PCGF5: variants seen among roughly 807,000 people sequenced by gnomAD.
PCGF5 encodes polycomb group RING finger protein 5.
PCGF5 carries 9 observed loss-of-function variants against 44.3 expected under a neutral mutation model. The observed-to-expected ratio is 0.20, with a 90% confidence interval of 0.12 to 0.35. The LOEUF is 0.35. Among genes scored for constraint, PCGF5 ranks in the 10% least tolerant of loss-of-function variants. PCGF5 has a pLI of 1.00. For synonymous variants in PCGF5, 95 were observed against 102.5 expected, an observed-to-expected ratio of 0.93 and a Z score of 0.44; for missense variants, 146 against 305.3, an observed-to-expected ratio of 0.48 and a Z score of 3.89.
chr10:91,196,229 A>C (rs571968524), intron 1 of PCGF5, among the ~76,000 whole-genome samples: 1 of 152,228 alleles, frequency 6.6e-6, no homozygotes, highest in East Asian at 1.9e-4. Flanking sequence ...TGTCAGTGCC[A>C]AGAGAAGTGA....
At chr10:91,233,561 A>G (rs1242298315) in intron 2 of PCGF5, among the ~76,000 whole-genome samples, 3 of 152,218 alleles carry the variant, frequency 2.0e-5, no homozygotes, top group Non-Finnish European at 2.9e-5. Flanking sequence ...ACACATATAC[A>G]TACATAAGAG....
chr10:91,258,243 T>C (rs767220939), intron 6 of PCGF5, among the ~76,000 whole-genome samples: 2 of 152,076 alleles, frequency 1.3e-5, no homozygotes, highest in Non-Finnish European at 2.9e-5. Flanking sequence ...TTGCGAATAG[T>C]ATAAAAACTA....
At position 91,213,714 on chromosome 10, in the gene PCGF5, G is replaced by T. The variant is rs59899683; in HGVS notation, c.-183-8975G>T. ...TTGGTCAGGCTGGTCTCAAACTCCC[G>T]ACCTCAGAGAGGTCCCCACCTCGGC... is the stretch of plus-strand genomic sequence containing the variant. On this transcript the variant is annotated intron_variant, in intron 1 of 9. Transcript: ENST00000614189. Among the ~76,000 whole-genome samples the T allele has an allele frequency of 8.5e-3, 1,274 of 150,286 alleles. 16 individuals carry two copies. Among genetic ancestry groups the T allele is most frequent in the African/African-American group, 0.03 (1,217 of 40,830 alleles).
intron 6 of PCGF5, among the ~76,000 whole-genome samples, chr10:91,252,411 A>G (rs1042658295): frequency 6.6e-6 from 1 of 152,080 alleles, no homozygotes; most frequent in African/African-American, 2.4e-5. Flanking sequence ...ATAACAACAT[A>G]TATGAGCACA....
At position 91,281,985 on chromosome 10, in the gene PCGF5, A is replaced by G. The variant is rs1251524913; in HGVS notation, c.*3669A>G. On this transcript the variant is annotated 3_prime_UTR_variant, in exon 10 of 10. Coordinates refer to ENST00000336126, the MANE Select transcript of PCGF5 (RefSeq NM_032373.5). Reference sequence around the variant, plus strand: ...TTTAATTTGAGAGGGTTTTTATTTCATGGAGGCAGTGTTAACTAAAATTAA... The same window carrying G: ...TTTAATTTGAGAGGGTTTTTATTTCGTGGAGGCAGTGTTAACTAAAATTAA... 2 of 152,220 alleles carry G rather than the reference A, an allele frequency of 1.3e-5. No individual in the cohort carries two copies. Among genetic ancestry groups the G allele is most frequent in the African/African-American group, 2.4e-5 (1 of 41,456 alleles). The allele number at this position is 152,220 out of a possible 1,614,324, so 9.4% of individuals were successfully genotyped here. A position where few individuals can be genotyped will look rare whatever the true frequency, so the allele number is the denominator to read the frequency against.
At position 91,220,672 on chromosome 10, in the gene PCGF5, G is replaced by T; in HGVS notation, c.-348G>T. 6.6e-6 allele frequency: 1 copy of T among 151,746 alleles called. No individual in the cohort carries two copies. The highest frequency in any genetic ancestry group is 2.1e-4 in the South Asian group (1 of 4,844). 9.4% of individuals were successfully genotyped at this position (151,746 alleles called of 1,614,324 possible). ...AGGCCCGCCGCGCCCTGTCGGGCCT[G>T]AGCCGAGTGGCCCCACAGAGCCGGC... On this transcript the variant is annotated 5_prime_UTR_variant, in exon 1 of 10. Coordinates refer to ENST00000336126, the MANE Select transcript of PCGF5 (RefSeq NM_032373.5).
At chr10:91,199,602 G>A (rs753615916) in intron 1 of PCGF5, among the ~76,000 whole-genome samples, 6 of 152,198 alleles carry the variant, frequency 3.9e-5, no homozygotes, top group African/African-American at 4.8e-5. Context: ...ATTAATGTAC[G>A]TGAAATTCAG....
At chr10:91,210,727 G>T (rs1015714182) in intron 1 of PCGF5, among the ~76,000 whole-genome samples, 1 of 152,188 alleles carries the variant, frequency 6.6e-6, no homozygotes, top group African/African-American at 2.4e-5. Context: ...CTGTTGTTTG[G>T]TCTCTCCCTT....
intron 1 of PCGF5, among the ~76,000 whole-genome samples, chr10:91,209,119 G>T (rs1408338830): frequency 6.6e-6 from 1 of 152,116 alleles, no homozygotes; most frequent in Non-Finnish European, 1.5e-5. Context: ...ATAGTATTTT[G>T]TGTTGCTTAG....
chr10:91,208,264 A>AT (rs1364958353), intron 1 of PCGF5, among the ~76,000 whole-genome samples: 1 of 152,044 alleles, frequency 6.6e-6, no homozygotes, highest in African/African-American at 2.4e-5. Flanking sequence ...GGACTCATGG[A>AT]TTATTTTCTT....
intron 1 of PCGF5, among the ~76,000 whole-genome samples, chr10:91,166,594 G>C (rs749323890): frequency 1.3e-5 from 2 of 151,964 alleles, no homozygotes; most frequent in African/African-American, 4.8e-5. Context: ...TGCTTACTTG[G>C]TATAATTATT....
intron 1 of PCGF5, among the ~76,000 whole-genome samples, chr10:91,207,461 C>G (rs550164262): frequency 4.6e-5 from 7 of 152,258 alleles, no homozygotes; most frequent in African/African-American, 1.4e-4. Context: ...TTTCAATGAA[C>G]CATTTAAGAA....
intron 1 of PCGF5, among the ~76,000 whole-genome samples, chr10:91,211,285 A>T (rs1844446761): frequency 6.6e-6 from 1 of 151,994 alleles, no homozygotes; most frequent in Admixed American, 6.6e-5. Flanking sequence ...AGCTGGGGGG[A>T]TTAGTTGTTA....
At chr10:91,227,905 T>G in intron 2 of PCGF5, 1 of 982,390 alleles carries the variant, frequency 1.0e-6, no homozygotes, top group South Asian at 4.7e-5. Context: ...ACCTGCAGAT[T>G]TGGGTTAAGT....
chr10:91,255,117 T>C (rs561135338), intron 6 of PCGF5, among the ~76,000 whole-genome samples: 1 of 152,164 alleles, frequency 6.6e-6, no homozygotes, highest in Admixed American at 6.6e-5. Context: ...ACTTACAAGA[T>C]TGTCAGTATT....
upstream of PCGF5, among the ~76,000 whole-genome samples, chr10:91,159,310 A>G (rs1843352630): frequency 6.6e-6 from 1 of 152,160 alleles, no homozygotes; most frequent in Admixed American, 6.5e-5. Flanking sequence ...TAACATGTCT[A>G]TAATTGACTG....
intron 6 of PCGF5, among the ~76,000 whole-genome samples, chr10:91,260,648 G>A (rs1293744231): frequency 9.2e-5 from 14 of 152,042 alleles, no homozygotes; most frequent in African/African-American, 2.7e-4. Context: ...TGATGTGTTC[G>A]TGTCCTTTGT....
intron 7 of PCGF5, 26 bp from the exon 8 acceptor site, chr10:91,264,405 T>C: frequency 6.6e-7 from 1 of 1,513,092 alleles, no homozygotes; most frequent in Non-Finnish European, 8.9e-7. Flanking sequence ...ATTATGTTAA[T>C]AGATCTATAA....
chr10:91,209,772 AAAAG>A (rs1345346901), intron 1 of PCGF5, among the ~76,000 whole-genome samples: 7 of 10 alleles, frequency 0.7, 3 homozygotes, highest in African/African-American at 1. Flanking sequence ...CGAAGAAAAA[AAAAG>A]AAAAAAAAAA....
Sources: gnomAD v4.1 joint callset for allele counts (sites outside exome capture counted in the v4.1 genomes callset) on GRCh38, gnomAD v4.1.1 for gene constraint, MANE v1.5 for transcripts, NCBI Gene and HGNC (gene_info 2026-07-23, HGNC 2026-07-21) for gene names.